The following CFAP70 variants were observed in gnomAD, a reference collection of about 807,000 sequenced individuals.
CFAP70 encodes the protein cilia and flagella associated protein 70.
In CFAP70, 81 loss-of-function variants were observed where a neutral mutation model predicts 137.6. The ratio of observed to expected loss-of-function variants is 0.59; its 90% CI spans 0.49 to 0.71. The LOEUF is 0.71. Ranked by LOEUF, CFAP70 falls within the 30% of genes least tolerant of loss-of-function variation. The pLI is 0.00. For missense variants in CFAP70, 976 were observed against 1,226.7 expected, an observed-to-expected ratio of 0.80 and a Z score of 3.05; for synonymous variants, 382 against 423.6, an observed-to-expected ratio of 0.90 and a Z score of 1.20.
chr10:73,338,376 T>C (rs1400310311), intron 6 of CFAP70, among the ~76,000 whole-genome samples: 1 of 151,900 alleles, frequency 6.6e-6, no homozygotes, highest in East Asian at 1.9e-4. Flanking sequence ...TCTGCCCGCC[T>C]TGGCCTCCCA....
chr10:73,261,443 T>C (rs2045179698), intron 25 of CFAP70, among the ~76,000 whole-genome samples: 1 of 152,288 alleles, frequency 6.6e-6, no homozygotes, highest in Non-Finnish European at 1.5e-5. Flanking sequence ...ACAATCATGG[T>C]GGAAGGCAAA....
At chr10:73,264,404 A>C (rs952998196) in intron 25 of CFAP70, among the ~76,000 whole-genome samples, 1 of 152,220 alleles carries the variant, frequency 6.6e-6, no homozygotes, top group Non-Finnish European at 1.5e-5. Flanking sequence ...ATATATTTCT[A>C]TATACCTATT....
At chr10:73,312,679 C>A in intron 9 of CFAP70, 36 bp from the exon 11 acceptor site, 2 of 1,502,500 alleles carry the variant, frequency 1.3e-6, no homozygotes, top group Non-Finnish European at 1.8e-6. Flanking sequence ...AAAAGCAATA[C>A]ATGAGACAAA....
At chr10:73,269,654 T>C (rs759633347) in exon 25 of CFAP70, 7 of 1,613,722 alleles carry the variant, frequency 4.3e-6, no homozygotes, top group Admixed American at 3.3e-5. Flanking sequence ...TACTTCAGCA[T>C]TGTAGTTGTT....
chr10:73,342,458 G>T (rs1368431902), intron 5 of CFAP70, among the ~76,000 whole-genome samples: 1 of 151,392 alleles, frequency 6.6e-6, no homozygotes, highest in Non-Finnish European at 1.5e-5. Context: ...TGAGAGGATT[G>T]CTTGAGTCCA....
intron 12 of CFAP70, 21 bp from the exon 14 acceptor site, chr10:73,299,686 A>T (rs767849544): frequency 6.3e-7 from 1 of 1,595,874 alleles, no homozygotes; most frequent in Non-Finnish European, 8.5e-7. Context: ...AAAGAAAAAA[A>T]ATAAAAAAAC....
intron 24 of CFAP70, among the ~76,000 whole-genome samples, chr10:73,270,573 C>T (rs1205301660): frequency 7.4e-6 from 1 of 135,200 alleles, no homozygotes; most frequent in East Asian, 2.3e-4. Context: ...TCTCGCTGTA[C>T]TGCCCAGGCT....
chr10:73,299,570 ATTAC>A (rs1162218197), intron 13 of CFAP70, 31 bp downstream of exon 14: 1 of 1,581,684 alleles, frequency 6.3e-7, no homozygotes, highest in African/African-American at 1.3e-5. Flanking sequence ...TCAATATCTT[ATTAC>A]TTATCATTTC....
At chr10:73,311,945 G>A in intron 10 of CFAP70, 31 bp from the exon 12 acceptor site, 1 of 1,519,334 alleles carries the variant, frequency 6.6e-7, no homozygotes, top group Non-Finnish European at 9.1e-7. Context: ...CTCAAAAATT[G>A]AATTCCTACA....
chr10:73,267,907 C>A (rs2045919913), intron 25 of CFAP70, among the ~76,000 whole-genome samples: 1 of 152,160 alleles, frequency 6.6e-6, no homozygotes, highest in African/African-American at 2.4e-5. Context: ...CTTCTAGATG[C>A]CACCCACATT....
chr10:73,264,133 A>G (rs1254443034), intron 25 of CFAP70, among the ~76,000 whole-genome samples: 7 of 151,906 alleles, frequency 4.6e-5, no homozygotes. Flanking sequence ...TTCTTTGAAC[A>G]TTTTTTACTT....
chr10:73,331,110 A>G (rs2052028732), intron 8 of CFAP70, 67 bp downstream of exon 9: 2 of 1,100,680 alleles, frequency 1.8e-6, no homozygotes, highest in African/African-American at 3.2e-5. Flanking sequence ...TCAGAATTGA[A>G]GCAGAATAAC....
intron 8 of CFAP70, among the ~76,000 whole-genome samples, chr10:73,324,573 A>G (rs1293352983): frequency 2.0e-5 from 3 of 152,220 alleles, no homozygotes; most frequent in African/African-American, 7.2e-5. Context: ...AAGGCAAAGA[A>G]GTTAAAAACT....
At chr10:73,258,252 C>T (rs569806140) in intron 25 of CFAP70, among the ~76,000 whole-genome samples, 1 of 152,332 alleles carries the variant, frequency 6.6e-6, no homozygotes, top group African/African-American at 2.4e-5. Context: ...GGCAGAAGAA[C>T]ATAAATTGTG....
In CFAP70 at chr10:73,308,628, C is replaced by CAA. The variant is rs201416589; in HGVS notation, c.1256+1528_1256+1529dup. 4.8e-3 allele frequency among the ~76,000 whole-genome samples: 306 copies of CAA among 64,176 alleles called. 2 individuals are homozygous for CAA. Among genetic ancestry groups the CAA allele is most frequent in the Admixed American group, 9.4e-3 (52 of 5,556 alleles). 42.1% of individuals were successfully genotyped at this position (64,176 alleles called of 152,430 possible). A position where few individuals can be genotyped will look rare whatever the true frequency, so the allele number is the denominator to read the frequency against. On this transcript the variant is annotated intron_variant, in intron 12 of 26. Transcript: ENST00000310715. ...GGGCAACAAGAGTGAAACTCCGTCTCAAAAAAAAAAAAAAAAAGATTGAAA... is the reference window on the plus strand; with the variant it reads ...GGGCAACAAGAGTGAAACTCCGTCTCAAAAAAAAAAAAAAAAAAAGATTGAAA...
intron 20 of CFAP70, among the ~76,000 whole-genome samples, 168 bp from the exon 22 acceptor site, chr10:73,277,529 A>G (rs2046862647): frequency 1.3e-5 from 2 of 152,164 alleles, no homozygotes; most frequent in South Asian, 4.1e-4. Flanking sequence ...CCTGGCCAAC[A>G]TAGTGAAACC....
intron 12 of CFAP70, among the ~76,000 whole-genome samples, chr10:73,299,980 TTGAC>T (rs780905686): frequency 2.6e-5 from 4 of 152,224 alleles, no homozygotes; most frequent in Admixed American, 2.0e-4. Flanking sequence ...CAAGGGCTGT[TTGAC>T]TGGGGTTTTG....
intron 19 of CFAP70, among the ~76,000 whole-genome samples, chr10:73,279,460 C>T (rs530793758): frequency 1.3e-5 from 2 of 151,470 alleles, no homozygotes; most frequent in South Asian, 2.1e-4. Context: ...GGAGGCAGAG[C>T]TTGCAGTGAG....
chr10:73,273,767 A>G (rs895696049), intron 23 of CFAP70, among the ~76,000 whole-genome samples: 1 of 152,178 alleles, frequency 6.6e-6, no homozygotes, highest in Non-Finnish European at 1.5e-5. Flanking sequence ...GTTTTATATT[A>G]AATAAAAAGA....
Sources: allele counts gnomAD v4.1 joint callset (sites outside exome capture counted in the v4.1 genomes callset), GRCh38; gene constraint gnomAD v4.1.1; transcripts MANE v1.5; gene names NCBI Gene and HGNC (gene_info 2026-07-23, HGNC 2026-07-21).